ERC1: variants seen among roughly 807,000 people sequenced by gnomAD.
The protein encoded by ERC1 is ELKS/RAB6-interacting/CAST family member 1, also known as RAB6 interacting protein 2.
ERC1 carries 56 observed loss-of-function variants against 132.0 expected under a neutral mutation model. The ratio of observed to expected loss-of-function variants is 0.42; its 90% CI spans 0.34 to 0.53. ERC1 has a LOEUF of 0.53. Among genes scored for constraint, ERC1 ranks in the 20% least tolerant of loss-of-function variants. The pLI is 0.03. For missense variants in ERC1, 1,202 were observed against 1,349.9 expected (o/e 0.89, Z 1.72); for synonymous variants, 478 against 476.1 (o/e 1.00, Z -0.05).
intron 7 of ERC1, among the ~76,000 whole-genome samples, chr12:1,140,115 A>G (rs1488331095): frequency 6.6e-6 from 1 of 152,142 alleles, no homozygotes; most frequent in African/African-American, 2.4e-5. Context: ...GTTGGTAGAA[A>G]TGTAGTTTAG....
chr12:1,154,740 G>A (rs1951204425), intron 8 of ERC1, among the ~76,000 whole-genome samples: 1 of 151,608 alleles, frequency 6.6e-6, no homozygotes, highest in South Asian at 2.1e-4. Context: ...ATAAAAAATG[G>A]GCAAATAGCA....
At chr12:1,381,634 A>G (rs1292455698) in intron 16 of ERC1, among the ~76,000 whole-genome samples, 1 of 152,222 alleles carries the variant, frequency 6.6e-6, no homozygotes, top group Admixed American at 6.5e-5. Context: ...TACAAACACT[A>G]AGATCAACTA....
At chr12:1,026,904 C>T (rs1007687716) in intron 1 of ERC1, among the ~76,000 whole-genome samples, 8 of 152,196 alleles carry the variant, frequency 5.3e-5, no homozygotes, top group Non-Finnish European at 1.0e-4. Flanking sequence ...AATCCTTCAA[C>T]ACCTGTGAAA....
intron 14 of ERC1, among the ~76,000 whole-genome samples, chr12:1,273,796 T>G (rs901152398): frequency 6.6e-6 from 1 of 152,206 alleles, no homozygotes; most frequent in African/African-American, 2.4e-5. Flanking sequence ...CATGGATATC[T>G]ATCTATCTAC....
At chr12:1,053,684 A>G (rs536800340) in intron 2 of ERC1, among the ~76,000 whole-genome samples, 16 of 152,194 alleles carry the variant, frequency 1.1e-4, no homozygotes, top group Middle Eastern at 3.4e-3. Context: ...TTCTTGGACT[A>G]TTTGTTCCCT....
intron 17 of ERC1, among the ~76,000 whole-genome samples, chr12:1,409,051 A>G (rs2091687076): frequency 6.6e-6 from 1 of 152,236 alleles, no homozygotes; most frequent in African/African-American, 2.4e-5. Flanking sequence ...CTTTCCTGCT[A>G]AACGTCTCCA....
chr12:1,444,241 AG>A (rs3214211), intron 17 of ERC1: 11,180 of 181,580 alleles, frequency 0.062, 389 homozygotes, highest in East Asian at 0.12. Context: ...TTTCTGTATC[AG>A]GAATAGCATC....
At chr12:1,153,912 AGTAGTTTGGG>A (rs1951067760) in intron 8 of ERC1, among the ~76,000 whole-genome samples, 5 of 151,944 alleles carry the variant, frequency 3.3e-5, no homozygotes, top group African/African-American at 1.2e-4. Flanking sequence ...ATTCGTTTGG[AGTAGTTTGGG>A]AAGTTCCCAA....
At chr12:1,144,614 G>GTA (rs142846830) in intron 8 of ERC1, among the ~76,000 whole-genome samples, 11,762 of 131,966 alleles carry the variant, frequency 0.089, 692 homozygotes, top group East Asian at 0.23. Context: ...GAATTTTGTG[G>GTA]TATATATATA....
intron 2 of ERC1, among the ~76,000 whole-genome samples, chr12:1,047,394 C>A (rs1184703371): frequency 6.6e-6 from 1 of 151,550 alleles, no homozygotes; most frequent in Non-Finnish European, 1.5e-5. Flanking sequence ...TACCCCCCAC[C>A]CCCCAAAAAA....
intron 15 of ERC1, among the ~76,000 whole-genome samples, chr12:1,323,943 C>T (rs2082280965): frequency 6.6e-6 from 1 of 152,246 alleles, no homozygotes; most frequent in Middle Eastern, 3.4e-3. Context: ...AGCTGTGAAC[C>T]CTTGTCATCC....
At chr12:1,189,099 G>C (rs1400788148) in intron 11 of ERC1, among the ~76,000 whole-genome samples, 1 of 151,844 alleles carries the variant, frequency 6.6e-6, no homozygotes, top group African/African-American at 2.4e-5. Flanking sequence ...TTCCAATAGA[G>C]ATGGGGCCTT....
At chr12:1,173,018 C>T (rs2154266710) in intron 8 of ERC1, among the ~76,000 whole-genome samples, 1 of 152,262 alleles carries the variant, frequency 6.6e-6, no homozygotes, top group African/African-American at 2.4e-5. Flanking sequence ...TTTCCATTTG[C>T]AGTGGTTTGG....
chr12:1,068,957 G>A lies in ERC1; in HGVS notation c.670-14207G>A, dbSNP rs189297262. On this transcript the variant is annotated intron_variant, in intron 2 of 18. Transcript: ENST00000360905. The stretch of plus-strand genomic sequence containing the variant: ...CACAAAAGGTTATTTCTTTTTTGGC[G>A]AATGGTTGTTTGTTTAAATGGAGAA... Among the ~76,000 whole-genome samples the A allele has an allele frequency of 6.3e-3, 957 of 151,800 alleles. 3 individuals carry two copies. Among genetic ancestry groups the A allele is most frequent in the Middle Eastern group, 0.024 (7 of 294 alleles).
At position 1,475,362 on chromosome 12, in the gene ERC1, A is replaced by G. The variant is rs77441829; in HGVS notation, c.3214-14731A>G. Among the ~76,000 whole-genome samples the G allele has an allele frequency of 1.6e-3, 250 of 152,368 alleles. 1 individual carries two copies. The highest frequency in any genetic ancestry group is 2.6e-3 in the Non-Finnish European group (174 of 68,036). On this transcript the variant is annotated intron_variant, in intron 18 of 18. Coordinates refer to ENST00000360905, the MANE Select transcript of ERC1 (RefSeq NM_178040.4). ...CGTGCAGGCCTTTTGTTACGAGGCAATATTGGTATACAAAAAAGAATTCAC... is the reference window on the plus strand; with the variant it reads ...CGTGCAGGCCTTTTGTTACGAGGCAGTATTGGTATACAAAAAAGAATTCAC...
At position 1,479,774 on chromosome 12, in the gene ERC1, G is replaced by A. The variant is rs552859826; in HGVS notation, c.3214-10319G>A. On this transcript the variant is annotated intron_variant, in intron 18 of 18. Coordinates refer to ENST00000360905, the MANE Select transcript of ERC1 (RefSeq NM_178040.4). ...GCTCAGGAGTGTGGGTGCTCCTGAG[G>A]CGTGTGGAACCCTGCTCGCCTGGAG... Among the ~76,000 whole-genome samples the A allele has an allele frequency of 7.9e-5, 12 of 152,244 alleles. No homozygotes were observed. The South Asian group carries it at 2.5e-3, about 32-fold the overall frequency.
intron 13 of ERC1, among the ~76,000 whole-genome samples, chr12:1,247,994 C>G (rs532527956): frequency 1.3e-5 from 2 of 152,076 alleles, no homozygotes; most frequent in African/African-American, 4.8e-5. Context: ...AAAACTGCAT[C>G]TCAAAAAAAT....
chr12:1,138,213 ATATAATATATATCATG>A (rs1375178698), intron 7 of ERC1, among the ~76,000 whole-genome samples: 5 of 124,166 alleles, frequency 4.0e-5, no homozygotes, highest in African/African-American at 1.3e-4. Context: ...GATATATATT[ATATAATATATATCATG>A]TATAATATAA....
chr12:1,371,478 TG>T (rs1372360924), intron 15 of ERC1, among the ~76,000 whole-genome samples: 3 of 152,138 alleles, frequency 2.0e-5, no homozygotes, highest in Admixed American at 6.5e-5. Context: ...ACCCTCAAAA[TG>T]GGGGTACTGA....
Sources: gnomAD v4.1 joint callset for allele counts (sites outside exome capture counted in the v4.1 genomes callset) on GRCh38, gnomAD v4.1.1 for gene constraint, MANE v1.5 for transcripts, NCBI Gene and HGNC (gene_info 2026-07-23, HGNC 2026-07-21) for gene names.